Variants in SVIL observed in about 807,000 individuals in gnomAD.
SVIL encodes supervillin, also known as archvillin.
A neutral mutation model predicts 240.4 loss-of-function variants in SVIL; 101 were observed. The ratio of observed to expected loss-of-function variants is 0.42; its 90% CI spans 0.36 to 0.50. The LOEUF (loss-of-function observed/expected upper bound fraction) is 0.50. Among genes scored for constraint, SVIL ranks in the 20% least tolerant of loss-of-function variants. The probability of loss-of-function intolerance (pLI) is 0.01; values close to 1 mark genes in which losing one functional copy is unlikely to be tolerated. For synonymous variants in SVIL, 999 were observed against 1,100.0 expected (o/e 0.91, Z 1.82); for missense variants, 2,512 against 2,818.7 (o/e 0.89, Z 2.46).
upstream of SVIL, among the ~76,000 whole-genome samples, chr10:29,639,942 T>C (rs1416352107): frequency 6.6e-6 from 1 of 152,178 alleles, no homozygotes; most frequent in Non-Finnish European, 1.5e-5. Context: ...GCTGGACTTT[T>C]CTGGCGCTTT....
At chr10:29,644,573 A>G (rs1216681548) in intron 3 of SVIL, among the ~76,000 whole-genome samples, 1 of 152,134 alleles carries the variant, frequency 6.6e-6, no homozygotes, top group African/African-American at 2.4e-5. Context: ...CAATAATTCT[A>G]TAAAACGGAA....
intron 3 of SVIL, among the ~76,000 whole-genome samples, chr10:29,650,068 G>A (rs575036919): frequency 2.2e-4 from 33 of 152,312 alleles, no homozygotes; most frequent in Middle Eastern, 3.4e-3. Flanking sequence ...TCAGAACCAT[G>A]AGCCAAATAA....
intron 2 of SVIL, among the ~76,000 whole-genome samples, chr10:29,663,636 G>A (rs1025566770): frequency 2.6e-5 from 4 of 152,180 alleles, no homozygotes; most frequent in Non-Finnish European, 4.4e-5. Context: ...GATTACAGGC[G>A]TGAGCCACCA....
intron 3 of SVIL, among the ~76,000 whole-genome samples, chr10:29,646,310 G>A (rs1958656812): frequency 6.6e-6 from 1 of 152,058 alleles, no homozygotes. Flanking sequence ...ATACCTCTTT[G>A]GGAAAGATTT....
chr10:29,536,633 G>T lies in SVIL; in HGVS notation c.828-564C>A, dbSNP rs57599210. 5.5e-3 allele frequency among the ~76,000 whole-genome samples: 840 copies of T among 152,154 alleles called. 8 individuals carry two copies. Among genetic ancestry groups the T allele is most frequent in the Middle Eastern group, 0.02 (6 of 294 alleles). ...TTATTAGAAAGGAGTCTGTTGGCCGGGTGCAGTGGCTCACGCCTGTAATCC... is the reference window on the plus strand; with the variant it reads ...TTATTAGAAAGGAGTCTGTTGGCCGTGTGCAGTGGCTCACGCCTGTAATCC... On this transcript the variant is annotated intron_variant, in intron 6 of 37. Coordinates refer to ENST00000355867, the MANE Select transcript of SVIL (RefSeq NM_021738.3).
intron 17 of SVIL, among the ~76,000 whole-genome samples, chr10:29,506,896 A>C (rs1949398738): frequency 6.6e-6 from 1 of 152,214 alleles, no homozygotes; most frequent in Admixed American, 6.5e-5. Context: ...GGCAGGGAGG[A>C]GATGGGAGCC....
At chr10:29,528,287 A>T (rs578093091) in intron 12 of SVIL, among the ~76,000 whole-genome samples, 1 of 152,198 alleles carries the variant, frequency 6.6e-6, no homozygotes, top group South Asian at 2.1e-4. Flanking sequence ...CTCGGGGAGG[A>T]ACTGTAGGCA....
At chr10:29,506,807 G>C (rs1194953582) in intron 17 of SVIL, among the ~76,000 whole-genome samples, 1 of 145,424 alleles carries the variant, frequency 6.9e-6, no homozygotes, top group East Asian at 2.0e-4. Flanking sequence ...GGAGGGGACA[G>C]AGGGCCTACA....
chr10:29,572,805 T>TAG (rs1161829764), intron 1 of SVIL, among the ~76,000 whole-genome samples: 16 of 133,010 alleles, frequency 1.2e-4, no homozygotes, highest in African/African-American at 4.6e-4. Context: ...AAAAAAAGAA[T>TAG]AGAGAGATAG....
At chr10:29,692,792 C>T (rs747153479) in intron 1 of SVIL, among the ~76,000 whole-genome samples, 5 of 152,024 alleles carry the variant, frequency 3.3e-5, no homozygotes, top group African/African-American at 4.8e-5. Context: ...TGTGCCCAGG[C>T]GGGACTTTTT....
At chr10:29,709,341 G>A (rs1050892612) in intron 1 of SVIL, among the ~76,000 whole-genome samples, 1 of 152,182 alleles carries the variant, frequency 6.6e-6, no homozygotes, top group African/African-American at 2.4e-5. Context: ...TCGGATTTCA[G>A]AGCATTTCAA....
chr10:29,672,551 C>T (rs1959861514), intron 2 of SVIL, among the ~76,000 whole-genome samples: 1 of 152,154 alleles, frequency 6.6e-6, no homozygotes, highest in Admixed American at 6.5e-5. Context: ...TCCAATTTTC[C>T]TTAGGGTAAA....
chr10:29,524,574 T>C lies in SVIL; in HGVS notation c.2484A>G (p.Pro828=), dbSNP rs1405608511. ...KLALFNKLSQ[P]VSKAISTRNR... ...TCCGGGTAGAAATCGCTTTTGAGACTGGCTGGGACAATTTGTTAAACAAGG... is the reference window on the plus strand; with the variant it reads ...TCCGGGTAGAAATCGCTTTTGAGACCGGCTGGGACAATTTGTTAAACAAGG... Residue 828 remains proline, a synonymous_variant, in exon 14 of 38, where the codon CCA becomes CCG. Coordinates refer to ENST00000355867, the MANE Select transcript of SVIL (RefSeq NM_021738.3). 7 of 1,614,184 alleles carry C rather than the reference T, an allele frequency of 4.3e-6. No homozygotes were observed. The highest frequency in any genetic ancestry group is 5.9e-6 in the Non-Finnish European group (7 of 1,180,036).
intron 1 of SVIL, among the ~76,000 whole-genome samples, chr10:29,580,768 G>A (rs1955910052): frequency 6.6e-6 from 1 of 152,124 alleles, no homozygotes; most frequent in Non-Finnish European, 1.5e-5. Flanking sequence ...CTGGGCTTAA[G>A]CCATCCTTCT....
intron 29 of SVIL, among the ~76,000 whole-genome samples, chr10:29,478,208 CTG>C (rs1298025975): frequency 3.3e-5 from 5 of 152,218 alleles, no homozygotes; most frequent in African/African-American, 1.2e-4. Context: ...GAGATTAACA[CTG>C]TACATGCCAC....
chr10:29,535,882 C>A, intron 7 of SVIL, 107 bp downstream of exon 7: 1 of 1,118,052 alleles, frequency 8.9e-7, no homozygotes, highest in Admixed American at 1.9e-5. Flanking sequence ...TTCAAGTGCA[C>A]TGGTATTAAA....
In SVIL at chr10:29,532,568, G is replaced by A. The variant is rs761777087; in HGVS notation, c.1799C>T (p.Ala600Val). The change falls in exon 8 of 38, where the codon GCG becomes GTG. Residue 600 changes from alanine to valine, a missense_variant. This residue lies in a region of SVIL where 1,443 missense variants were observed against 1,486.6 expected (regional missense o/e 0.97). Coordinates refer to ENST00000355867, the MANE Select transcript of SVIL (RefSeq NM_021738.3). ...TKVSVAQLRS[A>V]FLASANACRR... The stretch of plus-strand genomic sequence containing the variant: ...GCAGGCGTTGGCAGATGCCAGGAAC[G>A]CACTTCGGAGCTGGGCGACAGAGAC... 6 of 1,612,314 alleles carry A rather than the reference G, an allele frequency of 3.7e-6. No individual in the cohort carries two copies. The highest frequency in any genetic ancestry group is 3.3e-5 in the Admixed American group (2 of 59,974).
chr10:29,470,566 C>T (rs994771354), intron 31 of SVIL, 83 bp from the exon 32 acceptor site: 23 of 1,518,304 alleles, frequency 1.5e-5, no homozygotes, highest in Middle Eastern at 4.4e-4. Context: ...TCCGCTGTGT[C>T]GTCCAAGGCA....
At chr10:29,731,662 AT>A (rs113474778) in intron 1 of SVIL, among the ~76,000 whole-genome samples, 4,051 of 152,166 alleles carry the variant, frequency 0.027, 159 homozygotes, top group African/African-American at 0.079. Flanking sequence ...ATTTATTTGG[AT>A]TAAAAAAAAA....
Sources: allele counts gnomAD v4.1 joint callset (sites outside exome capture counted in the v4.1 genomes callset), GRCh38; gene constraint gnomAD v4.1.1; regional missense constraint gnomAD v4.1.1; transcripts MANE v1.5; gene names NCBI Gene and HGNC (gene_info 2026-07-23, HGNC 2026-07-21).